DOCK1: variants seen among roughly 807,000 people sequenced by gnomAD.
DOCK1 encodes the protein dedicator of cytokinesis protein 1.
DOCK1 carries 138 observed loss-of-function variants against 262.7 expected under a neutral mutation model. The ratio of observed to expected loss-of-function variants is 0.53; its 90% confidence interval spans 0.46 to 0.61. The LOEUF (loss-of-function observed/expected upper bound fraction) is 0.61, where lower values mean the gene tolerates loss of function less well. DOCK1 is among the 20% of genes least tolerant of loss of function. The pLI is 0.00. For synonymous variants in DOCK1, 866 were observed against 867.4 expected (o/e 1.00, Z 0.03); for missense variants, 1,908 against 2,370.7 (o/e 0.80, Z 4.05).
chr10:127,061,871 T>C, intron 23 of DOCK1, 95 bp downstream of exon 23: 1 of 833,612 alleles, frequency 1.2e-6, no homozygotes, highest in Non-Finnish European at 1.8e-6. Context: ...TTAATTAACT[T>C]GCCCCAAATA....
At chr10:127,399,510 A>G (rs906015920) in intron 38 of DOCK1, among the ~76,000 whole-genome samples, 8 of 150,938 alleles carry the variant, frequency 5.3e-5, no homozygotes, top group African/African-American at 1.7e-4. Flanking sequence ...AGAGATATAT[A>G]TTTATAGGAA....
At chr10:126,934,747 G>GTTTTTTTTT (rs1166445414) in intron 1 of DOCK1, among the ~76,000 whole-genome samples, 1,305 of 107,408 alleles carry the variant, frequency 0.012, 1 homozygote, top group East Asian at 0.016. Flanking sequence ...GAATTTACGA[G>GTTTTTTTTT]TTTTTTTTTT....
At chr10:127,359,117 C>T (rs2064287010) in intron 32 of DOCK1, among the ~76,000 whole-genome samples, 1 of 151,676 alleles carries the variant, frequency 6.6e-6, no homozygotes, top group African/African-American at 2.4e-5. Flanking sequence ...AAGATATGCT[C>T]CAGGGGAAAT....
At position 127,381,284 on chromosome 10, in the gene DOCK1, G is replaced by C; in HGVS notation, c.3723G>C (p.Leu1241Phe). ...IEREEMYIRY[L>F]YKLCDLHKEC... ...CTCTGTTTTATTGTCTCAGGTATTTGTACAAGCTCTGTGACCTGCACAAGG... is the reference window on the plus strand; with the variant it reads ...CTCTGTTTTATTGTCTCAGGTATTTCTACAAGCTCTGTGACCTGCACAAGG... Residue 1241 changes from leucine (L) to phenylalanine (F), a missense_variant, in exon 37 of 52, where the codon TTG becomes TTC. Around this residue, in one of 9 missense-constraint regions of DOCK1, gnomAD observed 267 missense variants for 366.3 expected, o/e 0.73. Transcript: ENST00000623213. 1 of 1,610,282 alleles carries C rather than the reference G, an allele frequency of 6.2e-7. No homozygotes were observed. The highest frequency in any genetic ancestry group is 8.5e-7 in the Non-Finnish European group (1 of 1,177,832).
intron 5 of DOCK1, 50 bp downstream of exon 5, chr10:126,987,667 T>G (rs1202469330): frequency 1.4e-6 from 2 of 1,453,528 alleles, no homozygotes; most frequent in Non-Finnish European, 1.9e-6. Context: ...GAGTGGGCTT[T>G]TTTGACCCTG....
At chr10:127,002,069 C>T (rs1263449226) in intron 10 of DOCK1, among the ~76,000 whole-genome samples, 1 of 152,212 alleles carries the variant, frequency 6.6e-6, no homozygotes, top group Admixed American at 6.5e-5. Context: ...CTCTATTTGT[C>T]AGAGCCTGTA....
At chr10:127,345,814 G>A (rs2063607766) in intron 31 of DOCK1, among the ~76,000 whole-genome samples, 1 of 152,312 alleles carries the variant, frequency 6.6e-6, no homozygotes, top group South Asian at 2.1e-4. Flanking sequence ...CTGCTTTGTG[G>A]AATGCACGCT....
intron 29 of DOCK1, among the ~76,000 whole-genome samples, chr10:127,299,383 CGT>C (rs2061606524): frequency 6.6e-6 from 1 of 152,202 alleles, no homozygotes; most frequent in Non-Finnish European, 1.5e-5. Flanking sequence ...GGATTACAGG[CGT>C]GAGCCGCCGC....
chr10:127,154,460 G>A (rs1473753812), intron 27 of DOCK1, among the ~76,000 whole-genome samples: 2 of 152,180 alleles, frequency 1.3e-5, no homozygotes, highest in East Asian at 1.9e-4. Context: ...GAAATGATCC[G>A]AAATTCAAAT....
At position 127,263,255 on chromosome 10, in the gene DOCK1, C is replaced by T. The variant is rs375645275; in HGVS notation, c.3044+5826C>T. ...CTTACTGTGCAGTCTAGAAAAATCA[C>T]GTCTCCCTAGCATTGTCATAAAGTA... On this transcript the variant is annotated intron_variant, in intron 29 of 51. Coordinates refer to ENST00000623213, the MANE Select transcript of DOCK1 (RefSeq NM_001290223.2). Among the ~76,000 whole-genome samples, 35 of 152,332 alleles carry T rather than the reference C, an allele frequency of 2.3e-4. 1 individual carries two copies. The East Asian group carries it at 2.7e-3, about 12-fold the overall frequency.
intron 47 of DOCK1, among the ~76,000 whole-genome samples, chr10:127,427,943 G>T (rs2068930739): frequency 6.6e-6 from 1 of 152,256 alleles, no homozygotes. Flanking sequence ...GCAGGTGGGA[G>T]TCTGGAACTG....
chr10:127,275,057 G>A (rs1365890115), intron 29 of DOCK1, among the ~76,000 whole-genome samples: 1 of 152,150 alleles, frequency 6.6e-6, no homozygotes, highest in East Asian at 1.9e-4. Flanking sequence ...ATTCTACACT[G>A]ACGTTCAGAA....
At chr10:127,219,735 T>A (rs1042413210) in intron 27 of DOCK1, among the ~76,000 whole-genome samples, 2 of 152,148 alleles carry the variant, frequency 1.3e-5, no homozygotes, top group Non-Finnish European at 2.9e-5. Flanking sequence ...ACAGCCTTTC[T>A]TGAGGTGGAA....
At chr10:127,280,542 C>G (rs2060923047) in intron 29 of DOCK1, among the ~76,000 whole-genome samples, 2 of 152,188 alleles carry the variant, frequency 1.3e-5, no homozygotes, top group African/African-American at 2.4e-5. Flanking sequence ...GCTCAGTCAT[C>G]CTTGACAACT....
At chr10:127,283,648 T>C (rs554695017) in intron 29 of DOCK1, among the ~76,000 whole-genome samples, 61 of 152,376 alleles carry the variant, frequency 4.0e-4, no homozygotes, top group African/African-American at 1.5e-3. Context: ...ATCATCTGTG[T>C]ACTGCATTAT....
At chr10:127,173,098 GAC>G (rs2054735642) in intron 27 of DOCK1, among the ~76,000 whole-genome samples, 1 of 152,104 alleles carries the variant, frequency 6.6e-6, no homozygotes, top group African/African-American at 2.4e-5. Context: ...ACGCCCACAA[GAC>G]CACTAAGTCC....
intron 33 of DOCK1, among the ~76,000 whole-genome samples, chr10:127,372,931 G>T (rs1292787662): frequency 6.6e-6 from 1 of 152,164 alleles, no homozygotes; most frequent in Non-Finnish European, 1.5e-5. Flanking sequence ...GCCCCCTGCA[G>T]CATGGCTAGT....
rs566979988 is a variant in DOCK1 at position 127,129,860 on chromosome 10, A to G, written c.2847+2096A>G. Among the ~76,000 whole-genome samples, 57 of 152,110 alleles carry G rather than the reference A, an allele frequency of 3.7e-4. 1 individual carries two copies. In the South Asian group the frequency reaches 7.5e-3, roughly 20 times the overall value. On this transcript the variant is annotated intron_variant, in intron 27 of 51. Coordinates refer to ENST00000623213, the MANE Select transcript of DOCK1 (RefSeq NM_001290223.2). ...GGTAGAAGTGGAGGCAGGTGGTCTC[A>G]TGAGACTGTTTTGTCTCTGTTTAGG...
At chr10:127,279,256 A>G (rs976735807) in intron 29 of DOCK1, among the ~76,000 whole-genome samples, 4 of 152,312 alleles carry the variant, frequency 2.6e-5, no homozygotes, top group East Asian at 1.9e-4. Flanking sequence ...AGCATTTCAT[A>G]TTTATTGTGT....
Sources: gnomAD v4.1 joint callset for allele counts (sites outside exome capture counted in the v4.1 genomes callset) on GRCh38, gnomAD v4.1.1 for gene constraint, gnomAD v4.1.1 regional missense constraint, MANE v1.5 for transcripts, NCBI Gene and HGNC (gene_info 2026-07-23, HGNC 2026-07-21) for gene names.